The following HUWE1 variants were observed in gnomAD, a reference collection of about 807,000 sequenced individuals.
The protein encoded by HUWE1 is HECT, UBA and WWE domain containing E3 ubiquitin protein ligase 1.
A neutral mutation model predicts 299.4 loss-of-function variants in HUWE1; 18 were observed. The observed-to-expected ratio is 0.06, with a 90% confidence interval of 0.04 to 0.09. The LOEUF (loss-of-function observed/expected upper bound fraction) is 0.09, where lower values mean the gene tolerates loss of function less well. HUWE1 is among the 10% of genes least tolerant of loss of function. The pLI, the probability that HUWE1 is intolerant of heterozygous loss-of-function variation, is 1.00. For synonymous variants in HUWE1, 1,317 were observed against 1,286.1 expected (o/e 1.02, Z -0.51); for missense variants, 1,832 against 3,462.3 (o/e 0.53, Z 11.82).
At chrX:53,647,773 C>T (rs1475007795) in intron 5 of HUWE1, among the ~76,000 whole-genome samples, 199 bp from the exon 6 acceptor site, 4 of 111,620 alleles carry the variant, frequency 3.6e-5, no homozygotes, top group African/African-American at 1.3e-4. Context: ...GATATATGTG[C>T]TAACACCAAT....
chrX:53,535,256 T>C, intron 81 of HUWE1, 128 bp downstream of exon 81: 1 of 541,150 alleles, frequency 1.8e-6, no homozygotes, highest in Non-Finnish European at 3.3e-6. Context: ...TGATCAAGTG[T>C]TTTGTCTTTT....
chrX:53,685,646 T>G (rs192672615), intron 2 of HUWE1, among the ~76,000 whole-genome samples: 106 of 112,185 alleles, frequency 9.4e-4, no homozygotes, highest in Admixed American at 1.2e-3. Flanking sequence ...TTAAATTGGC[T>G]AAAATTACAA....
Position 53,550,944 on chromosome X carries a change from C to T in HUWE1, c.9342G>A (p.Gly3114=), listed in dbSNP as rs1237624998. 8.3e-7 allele frequency: 1 copy of T among 1,211,798 alleles called. No homozygotes were observed. Among genetic ancestry groups the T allele is most frequent in the Non-Finnish European group, 1.1e-6 (1 of 895,498 alleles). ...CAGAGAGTGCGGAGGTGCTACTGTG[C>T]CCAAACAGACGCTCATGCATGAGCT... The part of the protein sequence containing the change: ...QRQLMHERLF[G]HSSTSALSAI... Residue 3114 remains glycine, a synonymous_variant, in exon 65 of 84, where the codon GGG becomes GGA. Transcript: ENST00000262854.
At chrX:53,591,459 AAAAC>A (rs782394905) in intron 33 of HUWE1, among the ~76,000 whole-genome samples, 1 of 111,900 alleles carries the variant, frequency 8.9e-6, no homozygotes, top group African/African-American at 3.2e-5. Context: ...AACTTTCTGG[AAAAC>A]AAACTGGTAA....
At chrX:53,543,623 G>A in intron 73 of HUWE1, 2 of 485,002 alleles carry the variant, frequency 4.1e-6, no homozygotes, top group Non-Finnish European at 6.8e-6. Flanking sequence ...ATAGCTGGGA[G>A]TGGGGTATGA....
intron 11 of HUWE1, 133 bp from the exon 12 acceptor site, chrX:53,631,167 C>T (rs1195545442): frequency 3.9e-6 from 2 of 507,859 alleles, no homozygotes; most frequent in Non-Finnish European, 3.5e-6. Flanking sequence ...AAAGCTACCA[C>T]CACTTATTAC....
intron 41 of HUWE1, 40 bp from the exon 42 acceptor site, chrX:53,583,956 T>C: frequency 9.4e-7 from 1 of 1,061,312 alleles, no homozygotes; most frequent in Non-Finnish European, 1.3e-6. Context: ...CAGTTTAACT[T>C]GATGTTTATT....
At chrX:53,632,442 C>T (rs1557023521) in intron 9 of HUWE1, 45 bp downstream of exon 9, 2 of 949,766 alleles carry the variant, frequency 2.1e-6, no homozygotes, top group Non-Finnish European at 1.5e-6. Context: ...ATCCCAGTTA[C>T]AGTAAATTGT....
In HUWE1 at chrX:53,630,928, C is replaced by G; in HGVS notation, c.862+7G>C. On this transcript the variant is annotated splice_region_variant and intron_variant, in intron 12 of 83. Transcript: ENST00000262854. ...ACGGCCTGGTAATTAAAGTATTCTT[C>G]TCTTACCTAATATAGATATTGCATG... 2 of 1,058,332 alleles carry G rather than the reference C, an allele frequency of 1.9e-6. No homozygotes were observed. The highest frequency in any genetic ancestry group is 2.6e-6 in the Non-Finnish European group (2 of 755,481). 87.2% of individuals were successfully genotyped at this position (1,058,332 alleles called of 1,213,427 possible). A position where few individuals can be genotyped will look rare whatever the true frequency, so the allele number is the denominator to read the frequency against.
chrX:53,684,883 A>G (rs1207752298), intron 2 of HUWE1, among the ~76,000 whole-genome samples: 7 of 112,246 alleles, frequency 6.2e-5, no homozygotes, highest in African/African-American at 2.3e-4. Context: ...AAAGCCACCA[A>G]TTTTAACTAC....
chrX:53,614,433 ACT>A (rs1477585599), intron 23 of HUWE1, 99 bp downstream of exon 23: 32 of 650,567 alleles, frequency 4.9e-5, no homozygotes, highest in South Asian at 4.9e-4. Flanking sequence ...ATCTAATACA[ACT>A]CTCTTGCTTT....
In HUWE1 at chrX:53,546,317, G is replaced by A. The variant is rs2061539357; in HGVS notation, c.10915+119C>T. Reference sequence around the variant, plus strand: ...TTACGACAGAGGGAGCATGGAGGCTGTGTTATAGGGATATGGAGGTATCTG... The same window carrying A: ...TTACGACAGAGGGAGCATGGAGGCTATGTTATAGGGATATGGAGGTATCTG... On this transcript the variant is annotated intron_variant, in intron 70 of 83. Coordinates refer to ENST00000262854, the MANE Select transcript of HUWE1 (RefSeq NM_031407.7). The A allele has an allele frequency of 7.8e-6, 5 of 638,410 alleles. No individual in the cohort carries two copies. In the Admixed American group the frequency reaches 1.3e-4, roughly 17 times the overall value. 52.6% of individuals were successfully genotyped at this position (638,410 alleles called of 1,213,427 possible).
At position 53,576,954 on chromosome X, in the gene HUWE1, C is replaced by G; in HGVS notation, c.5830G>C (p.Glu1944Gln). 4.1e-6 allele frequency: 5 copies of G among 1,208,427 alleles called. No homozygotes were observed. Among genetic ancestry groups the G allele is most frequent in the Non-Finnish European group, 5.6e-6 (5 of 892,655 alleles). ...GCATTCAGCATATCATAGATCACTT[C>G]CTTGATAGTATCAGGGATGACAGGC... ...PLPVIPDTIKEVIYDMLNALA... is the reference protein window; with the variant it reads ...PLPVIPDTIKQVIYDMLNALA... The change falls in exon 44 of 84, where the codon GAA (glutamate) becomes CAA (glutamine). Residue 1944 changes from glutamate (E) to glutamine (Q), a missense_variant. Physicochemically the swap from Glu to Gln is conservative, Grantham distance 29. Around this residue, in one of 15 missense-constraint regions of HUWE1, gnomAD observed 157 missense variants for 252.3 expected, o/e 0.62. Transcript: ENST00000262854.
At position 53,679,590 on chromosome X, in the gene HUWE1, G is replaced by A. The variant is rs782656595; in HGVS notation, c.-25+459C>T. 4.5e-5 allele frequency among the ~76,000 whole-genome samples: 5 copies of A among 111,261 alleles called. No homozygotes were observed. In the South Asian group the frequency reaches 1.9e-3, roughly 41 times the overall value. ...GGATGGCTTGAGCCCAGGAGTTTGT[G>A]ACCAGTCTAGGCAACACGATGAAAC... On this transcript the variant is annotated intron_variant, in intron 3 of 83. Transcript: ENST00000262854.
At chrX:53,648,540 C>CAAAAAAAAAAAAA (rs200558034) in intron 4 of HUWE1, among the ~76,000 whole-genome samples, 1 of 85,744 alleles carries the variant, frequency 1.2e-5, no homozygotes, top group African/African-American at 6.9e-5. Context: ...CAAAAAAAAA[C>CAAAAAAAAAAAAA]AAAAAAAAAC....
At chrX:53,574,017 A>C in intron 46 of HUWE1, 53 bp from the exon 47 acceptor site, 1 of 1,042,893 alleles carries the variant, frequency 9.6e-7, no homozygotes. Flanking sequence ...CACTGGCAAA[A>C]TCAAGTCTTA....
chrX:53,623,438 T>C (rs147820395), intron 19 of HUWE1, among the ~76,000 whole-genome samples: 4 of 112,263 alleles, frequency 3.6e-5, no homozygotes, highest in African/African-American at 1.3e-4. Context: ...CAGAGAGCTT[T>C]TCCATAGCAT....
chrX:53,555,033 C>G (rs1409041571), intron 60 of HUWE1, 113 bp from the exon 61 acceptor site: 5 of 539,817 alleles, frequency 9.3e-6, no homozygotes, highest in Non-Finnish European at 1.4e-5. Flanking sequence ...CAGTGATCAT[C>G]CCCACAACAA....
At chrX:53,600,076 G>A (rs1747940212) in intron 29 of HUWE1, 42 bp downstream of exon 29, 5 of 1,112,184 alleles carry the variant, frequency 4.5e-6, no homozygotes. Context: ...AAGACTAAGG[G>A]ACTGAAAGCC....
Sources: gnomAD v4.1 joint callset for allele counts (sites outside exome capture counted in the v4.1 genomes callset) on GRCh38, gnomAD v4.1.1 for gene constraint, gnomAD v4.1.1 regional missense constraint, MANE v1.5 for transcripts, NCBI Gene and HGNC (gene_info 2026-07-23, HGNC 2026-07-21) for gene names.